Variants in SDHA observed in about 807,000 individuals in gnomAD.
The protein encoded by SDHA is succinate dehydrogenase complex flavoprotein subunit A.
In SDHA, 48 loss-of-function variants were observed where a neutral mutation model predicts 78.4. The observed-to-expected ratio is 0.61, with a 90% CI of 0.49 to 0.78. The LOEUF is 0.78. Ranked by LOEUF, SDHA falls within the 30% of genes least tolerant of loss-of-function variation. SDHA has a pLI of 0.00. For missense variants in SDHA, 680 were observed against 892.7 expected, an observed-to-expected ratio of 0.76 and a Z score of 3.04; for synonymous variants, 326 against 353.9, an observed-to-expected ratio of 0.92 and a Z score of 0.88.
the SDHA span, among the ~76,000 whole-genome samples, chr5:265,227 T>C: frequency 6.6e-6 from 1 of 152,140 alleles, no homozygotes; most frequent in South Asian, 2.1e-4. Flanking sequence ...AAAAGATTTT[T>C]CTGAGAAAAA....
intron 11 of SDHA, among the ~76,000 whole-genome samples, chr5:244,782 G>A (rs1736347467): frequency 6.6e-6 from 1 of 151,828 alleles, no homozygotes; most frequent in Non-Finnish European, 1.5e-5. Context: ...ACTATTCAAT[G>A]ATAACTTCTG....
chr5:245,558 T>C (rs1433300044), intron 11 of SDHA, among the ~76,000 whole-genome samples: 2 of 152,230 alleles, frequency 1.3e-5, no homozygotes, highest in South Asian at 4.1e-4. Flanking sequence ...ATGGATGATA[T>C]ACTTTGTGCT....
chr5:247,648 C>T (rs972502520), intron 11 of SDHA, among the ~76,000 whole-genome samples: 2 of 152,244 alleles, frequency 1.3e-5, no homozygotes, highest in Admixed American at 1.3e-4. Context: ...CATGTTCCCT[C>T]GTTTGGGAGA....
the SDHA span, among the ~76,000 whole-genome samples, chr5:262,236 G>A: frequency 7.9e-6 from 1 of 127,036 alleles, no homozygotes; most frequent in African/African-American, 3.5e-5. Flanking sequence ...GAGCATTACC[G>A]TGTGAGCTCC....
At chr5:241,017 G>A (rs1265653326) in intron 11 of SDHA, among the ~76,000 whole-genome samples, 2 of 152,154 alleles carry the variant, frequency 1.3e-5, no homozygotes, top group Admixed American at 6.5e-5. Flanking sequence ...GGTAAACAGC[G>A]GTAGGACGTA....
In SDHA at chr5:233,633, T is replaced by G. The variant is rs200103530; in HGVS notation, c.1052T>G (p.Ile351Ser). The G allele has an allele frequency of 1.2e-6, 2 of 1,613,962 alleles. No individual in the cohort carries two copies. The highest frequency in any genetic ancestry group is 2.2e-5 in the East Asian group (1 of 44,882). Residue 351 changes from isoleucine (I) to serine (S), a missense_variant, in exon 8 of 15, where the codon ATC (isoleucine) becomes AGC (serine). Coordinates refer to ENST00000264932, the MANE Select transcript of SDHA (RefSeq NM_004168.4). ...DVVSRSMTLE[I>S]REGRGCGPEK... ...GTGTCTCGGTCCATGACTCTGGAGA[T>G]CCGAGAAGGAAGGTGCGTGTGATTT...
At position 228,506 on chromosome 5, in the gene SDHA, G is replaced by T. The variant is rs1429876202; in HGVS notation, c.770+173G>T. On this transcript the variant is annotated intron_variant, in intron 6 of 14. Coordinates refer to ENST00000264932, the MANE Select transcript of SDHA (RefSeq NM_004168.4). ...CAGCCGTGGTTCCTCACCTGTAAAG[G>T]GTGAGGACAGGAGCACCTGCCTCAG... 6.6e-5 allele frequency among the ~76,000 whole-genome samples: 10 copies of T among 152,146 alleles called. No individual in the cohort carries two copies. The South Asian group carries it at 2.1e-3, about 32-fold the overall frequency.
intron 13 of SDHA, chr5:253,139 A>G (rs1411989874): frequency 6.6e-6 from 1 of 152,298 alleles, no homozygotes; most frequent in Non-Finnish European, 1.5e-5. Flanking sequence ...TGGGATGCAA[A>G]TGCAAGTTCA....
At chr5:245,395 C>A (rs529331975) in intron 11 of SDHA, among the ~76,000 whole-genome samples, 4 of 152,164 alleles carry the variant, frequency 2.6e-5, no homozygotes, top group Non-Finnish European at 5.9e-5. Flanking sequence ...ATTTACAATT[C>A]GTGCAGTAAA....
At position 218,324 on chromosome 5, in the gene SDHA, A is replaced by C; in HGVS notation, c.-32A>C. The stretch of plus-strand genomic sequence containing the variant: ...GTGCGCAGGCGCAGTCTGCGCAGGG[A>C]CTGGCGGGACTGCGCGGCGGCAACA... On this transcript the variant is annotated 5_prime_UTR_variant, in exon 1 of 15. Transcript: ENST00000264932. The C allele has an allele frequency of 1.4e-6, 2 of 1,443,328 alleles. No individual in the cohort carries two copies. The highest frequency in any genetic ancestry group is 1.8e-6 in the Non-Finnish European group (2 of 1,106,478). The allele number at this position is 1,443,328 out of a possible 1,614,324, so 89.4% of individuals were successfully genotyped here.
downstream of SDHA, among the ~76,000 whole-genome samples, chr5:258,699 GCCT>G (rs1737371818): frequency 1.0e-5 from 1 of 100,306 alleles, no homozygotes; most frequent in African/African-American, 6.5e-5. Flanking sequence ...TGTGAGCTCC[GCCT>G]CCCGCCAGAG....
At chr5:267,123 TAAA>T in the SDHA span, among the ~76,000 whole-genome samples, 3 of 152,242 alleles carry the variant, frequency 2.0e-5, no homozygotes, top group African/African-American at 7.2e-5. Flanking sequence ...AAGCCTGTGT[TAAA>T]AGCAGTATTT....
At position 237,238 on chromosome 5, in the gene SDHA, T is replaced by G. The variant is rs1735842249; in HGVS notation, c.1432+639T>G. Among the ~76,000 whole-genome samples, 2 of 135,400 alleles carry G rather than the reference T, an allele frequency of 1.5e-5. 1 individual carries two copies. Among genetic ancestry groups the G allele is most frequent in the African/African-American group, 7.1e-5 (2 of 28,130 alleles). The allele number at this position is 135,400 out of a possible 152,430, so 88.8% of individuals were successfully genotyped here. ...ATATTACTTGCCTGATAAAAATCACTTATTTGCAATGAAATATTTTAAGTA... is the reference window on the plus strand; with the variant it reads ...ATATTACTTGCCTGATAAAAATCACGTATTTGCAATGAAATATTTTAAGTA... On this transcript the variant is annotated intron_variant, in intron 10 of 14. Coordinates refer to ENST00000264932, the MANE Select transcript of SDHA (RefSeq NM_004168.4).
chr5:254,328 T>C, intron 13 of SDHA, 65 bp from the exon 14 acceptor site: 1 of 1,452,050 alleles, frequency 6.9e-7, no homozygotes, highest in South Asian at 1.2e-5. Flanking sequence ...TGTTAATGTC[T>C]GCTGTGTTTT....
chr5:222,291 G>C (rs1422855689), intron 1 of SDHA, among the ~76,000 whole-genome samples: 1 of 151,528 alleles, frequency 6.6e-6, no homozygotes, highest in African/African-American at 2.4e-5. Context: ...AATACTTGAA[G>C]ACATTCCTCA....
At chr5:235,996 C>T (rs1368794561) in intron 9 of SDHA, 1 of 277,184 alleles carries the variant, frequency 3.6e-6, no homozygotes, top group Admixed American at 4.7e-5. Flanking sequence ...ATGGTCCTTA[C>T]TTCCCTCTTA....
At chr5:262,414 G>C in the SDHA span, among the ~76,000 whole-genome samples, 89 of 151,994 alleles carry the variant, frequency 5.9e-4, 1 homozygote, top group African/African-American at 2.1e-3. Context: ...TCCGCCCCCT[G>C]TCATATCATT....
chr5:262,206 GTGAGC>G, the SDHA span, among the ~76,000 whole-genome samples: 3 of 124,914 alleles, frequency 2.4e-5, no homozygotes, highest in Non-Finnish European at 5.0e-5. Flanking sequence ...GCATTACCGT[GTGAGC>G]TCCGCCTCCC....
At chr5:268,217 T>C in the SDHA span, among the ~76,000 whole-genome samples, 1 of 150,838 alleles carries the variant, frequency 6.6e-6, no homozygotes, top group Non-Finnish European at 1.5e-5. Flanking sequence ...GGAGTCTCAC[T>C]CTGTTGCCCA....
Sources: allele counts gnomAD v4.1 joint callset (sites outside exome capture counted in the v4.1 genomes callset), GRCh38; gene constraint gnomAD v4.1.1; transcripts MANE v1.5; gene names NCBI Gene and HGNC (gene_info 2026-07-23, HGNC 2026-07-21).